BRD8: variants seen among roughly 807,000 people sequenced by gnomAD.
BRD8 encodes the protein bromodomain containing 8.
In BRD8, 67 loss-of-function variants were observed where a neutral mutation model predicts 143.1. The ratio of observed to expected loss-of-function variants is 0.47; its 90% CI spans 0.38 to 0.57. The LOEUF (loss-of-function observed/expected upper bound fraction) is 0.57. Ranked by LOEUF, BRD8 falls within the 20% of genes least tolerant of loss-of-function variation. The probability of loss-of-function intolerance (pLI) is 0.00; values close to 1 mark genes in which losing one functional copy is unlikely to be tolerated. For synonymous variants in BRD8, 505 were observed against 517.1 expected (o/e 0.98, Z 0.32); for missense variants, 1,103 against 1,503.0 (o/e 0.73, Z 4.40).
chr5:138,152,540 T>C lies in BRD8; in HGVS notation c.2798A>G (p.Glu933Gly). Residue 933 changes from glutamate to glycine, a missense_variant, in exon 21 of 27, where the codon GAA becomes GGA. By Grantham distance (98) the Glu-to-Gly change is moderately conservative (BLOSUM62 -2). This residue lies in a region of BRD8 where 369 missense variants were observed against 445.5 expected (regional missense o/e 0.83). Coordinates refer to ENST00000254900, the MANE Select transcript of BRD8 (RefSeq NM_139199.2). ...ELLVGDGGSEESQEAARKASH... is the reference protein window; with the variant it reads ...ELLVGDGGSEGSQEAARKASH... Reference sequence around the variant, plus strand: ...GGCTTTCCTTGCCGCTTCCTGAGATTCCTCACTGCCTCCATCCCCAACAAG... The same window carrying C: ...GGCTTTCCTTGCCGCTTCCTGAGATCCCTCACTGCCTCCATCCCCAACAAG... The C allele has an allele frequency of 3.1e-6, 5 of 1,614,176 alleles. No homozygotes were observed. Among genetic ancestry groups the C allele is most frequent in the Non-Finnish European group, 4.2e-6 (5 of 1,180,046 alleles).
chr5:138,149,884 C>A, intron 22 of BRD8, 87 bp from the exon 23 acceptor site: 1 of 1,333,850 alleles, frequency 7.5e-7, no homozygotes, highest in Non-Finnish European at 1.0e-6. Context: ...TGAAGGCTGC[C>A]CTTAAGGTGA....
Position 138,145,774 on chromosome 5 carries a change from A to G in BRD8, c.3368+15T>C. 6.2e-7 allele frequency: 1 copy of G among 1,607,812 alleles called. No homozygotes were observed. The highest frequency in any genetic ancestry group is 8.5e-7 in the Non-Finnish European group (1 of 1,174,432). On this transcript the variant is annotated intron_variant, in intron 24 of 26. Transcript: ENST00000254900. ...CAGCTCTGAACATAATCCTATTACC[A>G]CTTTGGAGACCTACCTGTGACTGGC...
intron 22 of BRD8, 70 bp downstream of exon 22, chr5:138,150,675 C>A: frequency 6.7e-7 from 1 of 1,494,112 alleles, no homozygotes; most frequent in South Asian, 1.4e-5. Flanking sequence ...AGCCTATGTG[C>A]TCTAACTACT....
intron 23 of BRD8, among the ~76,000 whole-genome samples, chr5:138,146,187 A>G (rs1237128357): frequency 6.6e-6 from 1 of 151,548 alleles, no homozygotes; most frequent in Non-Finnish European, 1.5e-5. Flanking sequence ...CCTCCCAAGT[A>G]GCTGGGACTA....
intron 18 of BRD8, among the ~76,000 whole-genome samples, 161 bp downstream of exon 18, chr5:138,160,730 C>A (rs1752941594): frequency 6.6e-6 from 1 of 152,130 alleles, no homozygotes; most frequent in Non-Finnish European, 1.5e-5. Flanking sequence ...TTCACCACAC[C>A]AAAGAAAATA....
rs747812776 is a variant in BRD8 at position 138,149,673 on chromosome 5, T to G, written c.3245A>C (p.Asp1082Ala). The G allele has an allele frequency of 1.9e-6, 3 of 1,610,240 alleles. No homozygotes were observed. Among genetic ancestry groups the G allele is most frequent in the Non-Finnish European group, 2.5e-6 (3 of 1,178,642 alleles). Residue 1082 changes from aspartate to alanine, a missense_variant, in exon 23 of 27, where the codon GAT becomes GCT. Around this residue, in one of 7 missense-constraint regions of BRD8, gnomAD observed 369 missense variants for 445.5 expected, o/e 0.83. Coordinates refer to ENST00000254900, the MANE Select transcript of BRD8 (RefSeq NM_139199.2). ...AFNIKETPLV[D>A]TLFSHATSSK... ...GGAGGTAGCATGGCTGAAAAGTGTA[T>G]CCACCAAGGGAGTCTCCTTAATGTT...
chr5:138,161,956 T>C (rs1455401308), intron 16 of BRD8, 92 bp from the exon 17 acceptor site: 7 of 1,558,978 alleles, frequency 4.5e-6, no homozygotes, highest in Admixed American at 1.7e-5. Flanking sequence ...TAAGAACTAA[T>C]ACCAGCAGTT....
At chr5:138,157,495 G>A (rs1752684585) in intron 20 of BRD8, 1 of 565,344 alleles carries the variant, frequency 1.8e-6, no homozygotes, top group Admixed American at 3.1e-5. Flanking sequence ...GCCCACTACA[G>A]AGGTCCTTGG....
intron 20 of BRD8, among the ~76,000 whole-genome samples, chr5:138,153,207 A>G (rs991421066): frequency 1.3e-5 from 2 of 152,208 alleles, no homozygotes; most frequent in Non-Finnish European, 2.9e-5. Context: ...ATGAACCATT[A>G]AACCTTCAAA....
chr5:138,168,710 T>C, intron 8 of BRD8: 1 of 1,215,498 alleles, frequency 8.2e-7, no homozygotes, highest in Non-Finnish European at 1.2e-6. Context: ...CAGAGAACCT[T>C]TATCTGACTT....
rs755822679 is a variant in BRD8, at chr5:138,159,558, G to C, written c.2574C>G (p.Leu858=). ...PMGSPAFLLS[L]FMGHEWVWLD... is the part of the protein sequence containing the mutation. ...CTTGCAGCCATTCAATACTTACAAA[G>C]AGAGAGAGAAGGAAGGCAGGAGAGC... is the stretch of plus-strand genomic sequence containing the variant. Residue 858 remains leucine (L), a synonymous_variant, in exon 20 of 27, where the codon CTC becomes CTG. Coordinates refer to ENST00000254900, the MANE Select transcript of BRD8 (RefSeq NM_139199.2). The C allele has an allele frequency of 2.5e-6, 4 of 1,612,108 alleles. No individual in the cohort carries two copies. Among genetic ancestry groups the C allele is most frequent in the Non-Finnish European group, 3.4e-6 (4 of 1,178,268 alleles).
intron 14 of BRD8, chr5:138,163,603 A>C (rs1204343087): frequency 2.9e-5 from 42 of 1,437,806 alleles, no homozygotes; most frequent in Admixed American, 8.3e-5. Context: ...CTAAGCTAAG[A>C]GGCGTTCCTT....
At position 138,140,137 on chromosome 5, in the gene BRD8, T is replaced by G; in HGVS notation, c.3645A>C (p.Lys1215Asn). ...GTTCTCCTTCCAGACTACTTGAGCC[T>G]TTTCTTTTGTCTAACCAGATATTCA... ...QVLNIWLDKR[K>N]GSSSLEGEPA... The change falls in exon 27 of 27, where the codon AAA becomes AAC. Residue 1215 changes from lysine (K) to asparagine (N), a missense_variant. This residue lies in a region of BRD8 where 369 missense variants were observed against 445.5 expected (regional missense o/e 0.83). Transcript: ENST00000254900. The G allele has an allele frequency of 6.2e-7, 1 of 1,613,554 alleles. No individual in the cohort carries two copies. Among genetic ancestry groups the G allele is most frequent in the African/African-American group, 1.3e-5 (1 of 75,042 alleles).
chr5:138,162,030 T>A, intron 16 of BRD8, 24 bp downstream of exon 16: 1 of 1,601,308 alleles, frequency 6.2e-7, no homozygotes, highest in African/African-American at 1.3e-5. Context: ...AAAATGAACC[T>A]ACTGACTGGT....
Position 138,168,028 on chromosome 5 carries a change from A to G in BRD8, c.693T>C (p.Gly231=), listed in dbSNP as rs1554100181. 1 of 1,612,630 alleles carries G rather than the reference A, an allele frequency of 6.2e-7. No homozygotes were observed. ...AVASGHLNST[G]VLLEVGGVLP... is the part of the protein sequence containing the mutation. ...GGACCCCGCCTACCTCCAGGAGGAC[A>G]CCTGTACTGTTCAGGTGGCCAGAAG... The change falls in exon 9 of 27, where the codon GGT becomes GGC. Residue 231 remains glycine (G), a synonymous_variant. Transcript: ENST00000254900.
At chr5:138,157,141 G>A (rs372362803) in intron 20 of BRD8, 35 of 1,601,576 alleles carry the variant, frequency 2.2e-5, no homozygotes, top group South Asian at 1.2e-4. Flanking sequence ...AACTGGGCCC[G>A]CAAGCCCAAG....
In BRD8 at chr5:138,175,378, T is replaced by C. The variant is rs527382168; in HGVS notation, c.116+2193A>G. ...AGAGAGTTAAATTCATAATGGATGA[T>C]TCAAAAGAAAGGGGGTGAGGGGCTG... is the stretch of plus-strand genomic sequence containing the variant. On this transcript the variant is annotated intron_variant, in intron 2 of 26. Transcript: ENST00000254900. 6.2e-4 allele frequency among the ~76,000 whole-genome samples: 95 copies of C among 152,032 alleles called. No homozygotes were observed. In the South Asian group the frequency reaches 0.019, roughly 30 times the overall value.
Position 138,140,069 on chromosome 5 carries a change from C to T in BRD8, c.*5G>A, listed in dbSNP as rs971468241. 5.6e-6 allele frequency: 9 copies of T among 1,608,244 alleles called. No individual in the cohort carries two copies. The highest frequency in any genetic ancestry group is 4.0e-5 in the African/African-American group (3 of 74,804). ...TCTAGAAAAAGTCAGGATAGCAGCT[C>T]CAGGTTAGAAAACAGGTTTTCCATC... is the stretch of plus-strand genomic sequence containing the variant. On this transcript the variant is annotated 3_prime_UTR_variant, in exon 27 of 27. Coordinates refer to ENST00000254900, the MANE Select transcript of BRD8 (RefSeq NM_139199.2).
Position 138,165,028 on chromosome 5 carries a change from G to A in BRD8, c.1417C>T (p.Leu473Phe). 6.2e-7 allele frequency: 1 copy of A among 1,614,136 alleles called. No individual in the cohort carries two copies. The highest frequency in any genetic ancestry group is 8.5e-7 in the Non-Finnish European group (1 of 1,180,016). Residue 473 changes from leucine (L) to phenylalanine (F), a missense_variant, in exon 12 of 27, where the codon CTC (leucine) becomes TTC (phenylalanine). This residue lies in a region of BRD8 where 53 missense variants were observed against 101.4 expected (regional missense o/e 0.52). Coordinates refer to ENST00000254900, the MANE Select transcript of BRD8 (RefSeq NM_139199.2). ...IQQERDKPVPLPAPEMTVKQE... is the reference protein window; with the variant it reads ...IQQERDKPVPFPAPEMTVKQE... ...TTGACCGTCATTTCTGGTGCAGGGAGAGGTACTGGCTTGTCCCGCTCCTGC... is the reference window on the plus strand; with the variant it reads ...TTGACCGTCATTTCTGGTGCAGGGAAAGGTACTGGCTTGTCCCGCTCCTGC...
Sources: gnomAD v4.1 joint callset for allele counts (sites outside exome capture counted in the v4.1 genomes callset) on GRCh38, gnomAD v4.1.1 for gene constraint, gnomAD v4.1.1 regional missense constraint, MANE v1.5 for transcripts, NCBI Gene and HGNC (gene_info 2026-07-23, HGNC 2026-07-21) for gene names.